Variants in EPHA7 observed in about 807,000 individuals in gnomAD.
The protein encoded by EPHA7 is EPH receptor A7.
Under a neutral mutation model 112.6 loss-of-function variants are expected in EPHA7, and 25 were observed. That is an observed-to-expected ratio of 0.22 (90% CI 0.16 to 0.31). EPHA7 has a LOEUF of 0.31. EPHA7 is among the 10% of genes least tolerant of loss of function. The pLI is 1.00. For synonymous variants in EPHA7, 437 were observed against 406.5 expected (o/e 1.07, Z -0.90); for missense variants, 962 against 1,212.6 (o/e 0.79, Z 3.07).
chr6:93,260,573 C>T, intron 9 of EPHA7: 1 of 961,316 alleles, frequency 1.0e-6, no homozygotes, highest in Non-Finnish European at 1.2e-6. Context: ...ATATATTACA[C>T]TGCAGCCTAA....
At chr6:93,401,671 A>AAGACATGC (rs1778445410) in intron 3 of EPHA7, among the ~76,000 whole-genome samples, 1 of 152,078 alleles carries the variant, frequency 6.6e-6, no homozygotes, top group Non-Finnish European at 1.5e-5. Context: ...TATCCTAATG[A>AAGACATGC]AGACATGCAT....
intron 5 of EPHA7, among the ~76,000 whole-genome samples, chr6:93,333,959 T>C (rs1052088412): frequency 1.8e-4 from 27 of 151,924 alleles, no homozygotes; most frequent in Non-Finnish European, 3.1e-4. Context: ...AAAATTCATA[T>C]GAACCAAAAA....
intron 5 of EPHA7, among the ~76,000 whole-genome samples, chr6:93,287,466 C>G (rs989056912): frequency 6.6e-6 from 1 of 151,244 alleles, no homozygotes; most frequent in Non-Finnish European, 1.5e-5. Context: ...TCTCTCTGTC[C>G]TTTTCTCCTT....
intron 5 of EPHA7, among the ~76,000 whole-genome samples, chr6:93,345,860 G>T (rs1443973790): frequency 6.6e-6 from 1 of 151,336 alleles, no homozygotes; most frequent in Non-Finnish European, 1.5e-5. Flanking sequence ...TGTTTTTTTG[G>T]ATGGCTCTGC....
chr6:93,356,955 A>G lies in EPHA7; in HGVS notation c.1086T>C (p.Asp362=), dbSNP rs759859232. ...GCTTACACAATATTCTGTAGGTCACATCGTTTCTTCCCCCATTGTCTGCAG... is the reference window on the plus strand; with the variant it reads ...GCTTACACAATATTCTGTAGGTCACGTCGTTTCTTCCCCCATTGTCTGCAG... ...SPPADNGGRN[D]VTYRILCKRC... The change falls in exon 5 of 17, where the codon GAT becomes GAC. Residue 362 remains aspartate (D), a synonymous_variant. Coordinates refer to ENST00000369303, the MANE Select transcript of EPHA7 (RefSeq NM_004440.4). 6.2e-6 allele frequency: 10 copies of G among 1,614,212 alleles called. No individual in the cohort carries two copies. The Admixed American group carries it at 6.7e-5, about 11-fold the overall frequency.
In EPHA7 at chr6:93,387,962, G is replaced by GATAA. The variant is rs1562146895; in HGVS notation, c.832+22538_832+22539insTTAT. 1.2e-3 allele frequency among the ~76,000 whole-genome samples: 177 copies of GATAA among 151,786 alleles called. 1 individual carries two copies. Among genetic ancestry groups the GATAA allele is most frequent in the African/African-American group, 4.2e-3 (173 of 41,312 alleles). ...AGATAGATAGATAGATAGATAGATA[G>GATAA]ATAGATAGATAGATAGAATAGATAG... On this transcript the variant is annotated intron_variant, in intron 3 of 16. Transcript: ENST00000369303.
intron 5 of EPHA7, among the ~76,000 whole-genome samples, chr6:93,336,953 C>T (rs1034079318): frequency 6.6e-6 from 1 of 151,064 alleles, no homozygotes; most frequent in African/African-American, 2.4e-5. Context: ...TTTGTTTGCC[C>T]TCTATAGGGG....
At chr6:93,387,526 C>T (rs1181688957) in intron 3 of EPHA7, among the ~76,000 whole-genome samples, 1 of 152,120 alleles carries the variant, frequency 6.6e-6, no homozygotes, top group African/African-American at 2.4e-5. Flanking sequence ...TTTATAGCAG[C>T]ACCCCACTAC....
chr6:93,254,545 A>G lies in EPHA7; in HGVS notation c.2532+102T>C, dbSNP rs925523977. 18 of 828,812 alleles carry G rather than the reference A, an allele frequency of 2.2e-5. No individual in the cohort carries two copies. In the African/African-American group the frequency reaches 3.2e-4, roughly 15 times the overall value. 51.3% of individuals were successfully genotyped at this position (828,812 alleles called of 1,614,324 possible). A position where few individuals can be genotyped will look rare whatever the true frequency, so the allele number is the denominator to read the frequency against. On this transcript the variant is annotated intron_variant, in intron 14 of 16. Coordinates refer to ENST00000369303, the MANE Select transcript of EPHA7 (RefSeq NM_004440.4). ...TAATTGTGGAAAACTGTATTTTTAT[A>G]ATTATTTAAAAGTGTTCTTAATGAG...
intron 5 of EPHA7, among the ~76,000 whole-genome samples, chr6:93,318,901 G>A (rs560804683): frequency 3.3e-5 from 5 of 152,086 alleles, no homozygotes; most frequent in Non-Finnish European, 5.9e-5. Context: ...AATTTTTCTG[G>A]CATTTCAACC....
intron 5 of EPHA7, among the ~76,000 whole-genome samples, chr6:93,327,382 T>C (rs1441419368): frequency 1.3e-5 from 2 of 151,614 alleles, no homozygotes; most frequent in Non-Finnish European, 3.0e-5. Context: ...GTTTTTATTC[T>C]ATTTATACTC....
intron 7 of EPHA7, among the ~76,000 whole-genome samples, chr6:93,265,604 T>C (rs1490865000): frequency 1.3e-5 from 2 of 151,714 alleles, no homozygotes; most frequent in African/African-American, 4.8e-5. Flanking sequence ...ATATTTTCAG[T>C]AGCAATACAG....
chr6:93,408,026 C>G (rs1778800329), intron 3 of EPHA7, among the ~76,000 whole-genome samples: 1 of 151,892 alleles, frequency 6.6e-6, no homozygotes, highest in African/African-American at 2.4e-5. Context: ...ATTTTCTTAA[C>G]AAATAAATGA....
intron 3 of EPHA7, among the ~76,000 whole-genome samples, chr6:93,372,480 T>C (rs1052457806): frequency 6.6e-6 from 1 of 152,100 alleles, no homozygotes; most frequent in Non-Finnish European, 1.5e-5. Flanking sequence ...AGATAATGTC[T>C]AGACATAGAA....
intron 5 of EPHA7, among the ~76,000 whole-genome samples, chr6:93,336,682 T>C (rs1774895502): frequency 6.6e-6 from 1 of 152,090 alleles, no homozygotes; most frequent in South Asian, 2.1e-4. Flanking sequence ...ATTACAGTCA[T>C]GAGCCACCCT....
chr6:93,378,053 C>CAGCTGGTG (rs5878314), intron 3 of EPHA7, among the ~76,000 whole-genome samples: 1 of 151,280 alleles, frequency 6.6e-6, no homozygotes, highest in East Asian at 2.0e-4. Context: ...GAAACATGGA[C>CAGCTGGTG]TCTTTGGTAT....
intron 3 of EPHA7, among the ~76,000 whole-genome samples, chr6:93,363,742 A>G (rs1245275240): frequency 2.0e-5 from 3 of 152,218 alleles, no homozygotes; most frequent in Admixed American, 2.0e-4. Flanking sequence ...GAAAACATAC[A>G]TGCACACAAA....
At chr6:93,373,295 G>A (rs1051764207) in intron 3 of EPHA7, among the ~76,000 whole-genome samples, 4 of 151,874 alleles carry the variant, frequency 2.6e-5, no homozygotes, top group African/African-American at 4.8e-5. Context: ...ATCTCCAAGA[G>A]CAATAATTCT....
intron 3 of EPHA7, among the ~76,000 whole-genome samples, chr6:93,385,299 T>C (rs1014117423): frequency 1.3e-5 from 2 of 152,118 alleles, no homozygotes; most frequent in African/African-American, 4.8e-5. Flanking sequence ...CATATGAATA[T>C]ATAATAGATA....
Sources: gnomAD v4.1 joint callset for allele counts (sites outside exome capture counted in the v4.1 genomes callset) on GRCh38, gnomAD v4.1.1 for gene constraint, MANE v1.5 for transcripts, NCBI Gene and HGNC (gene_info 2026-07-23, HGNC 2026-07-21) for gene names.